VWA3A: variants seen among roughly 807,000 people sequenced by gnomAD.
The protein encoded by VWA3A is von Willebrand factor A domain-containing protein 3A.
A neutral mutation model predicts 160.4 loss-of-function variants in VWA3A; 134 were observed. The ratio of observed to expected loss-of-function variants is 0.84; its 90% CI spans 0.73 to 0.96. The LOEUF is 0.96. Among genes scored for constraint, VWA3A ranks in the 40% least tolerant of loss-of-function variants. The pLI, the probability that VWA3A is intolerant of heterozygous loss-of-function variation, is 0.00. For missense variants in VWA3A, 1,310 were observed against 1,447.9 expected (o/e 0.90, Z 1.55); for synonymous variants, 476 against 543.4 (o/e 0.88, Z 1.72).
rs1555459603 is a variant in VWA3A at position 22,136,895 on chromosome 16, G to GCGCA, written c.2140-1464_2140-1463insGCAC. Reference sequence around the variant, plus strand: ...AAAATACACACACACACACACACACGCACACACACACACACACACACACGC... The same window carrying GCGCA: ...AAAATACACACACACACACACACACGCGCACACACACACACACACACACACACGC... On this transcript the variant is annotated intron_variant, in intron 21 of 33. Transcript: ENST00000389398. Among the ~76,000 whole-genome samples, 927 of 142,670 alleles carry GCGCA rather than the reference G, an allele frequency of 6.5e-3. 25 individuals carry two copies. In the East Asian group the frequency reaches 0.068, roughly 11 times the overall value. 93.6% of individuals were successfully genotyped at this position (142,670 alleles called of 152,430 possible).
chr16:22,122,260 A>AGTGGATGGATGGATGGATGG (rs1388158399), intron 14 of VWA3A, among the ~76,000 whole-genome samples: 9 of 136,574 alleles, frequency 6.6e-5, no homozygotes, highest in Non-Finnish European at 9.5e-5. Flanking sequence ...TGGATGGATG[A>AGTGGATGGATGGATGGATGG]GTGGATGGAT....
chr16:22,130,123 C>T (rs1051774074), intron 17 of VWA3A, among the ~76,000 whole-genome samples: 1 of 152,104 alleles, frequency 6.6e-6, no homozygotes, highest in Non-Finnish European at 1.5e-5. Flanking sequence ...GATTTATTAT[C>T]CAACGATAAT....
chr16:22,131,689 G>A lies in VWA3A; in HGVS notation c.1832G>A (p.Gly611Glu), dbSNP rs1364594840. 6.2e-7 allele frequency: 1 copy of A among 1,613,990 alleles called. No individual in the cohort carries two copies. The highest frequency in any genetic ancestry group is 1.7e-5 in the Admixed American group (1 of 60,022). The change falls in exon 19 of 34, where the codon GGA (glycine) becomes GAA (glutamate). Residue 611 changes from glycine to glutamate, a missense_variant. Transcript: ENST00000389398. ...FKDKDKHQSQ[G>E]IYLFTGGIPD... ...GACAAAGACAAACACCAATCGCAGG[G>A]AATCTACCTCTTCACTGGGGGCATC...
intron 1 of VWA3A, among the ~76,000 whole-genome samples, chr16:22,095,092 A>C (rs1369248921): frequency 6.6e-6 from 1 of 152,174 alleles, no homozygotes; most frequent in Non-Finnish European, 1.5e-5. Flanking sequence ...AAGGGGACAG[A>C]CACACAAATT....
chr16:22,146,699 G>A lies in VWA3A; in HGVS notation c.2839+355G>A, dbSNP rs1263199271. Among the ~76,000 whole-genome samples the A allele has an allele frequency of 5.3e-5, 8 of 152,018 alleles. No homozygotes were observed. In the South Asian group the frequency reaches 6.2e-4, roughly 12 times the overall value. ...CTCAGGAGGCTGAGGCAGGAAAATC[G>A]CAGAGGTTGCAGTGAGCTGAGATCG... On this transcript the variant is annotated intron_variant, in intron 27 of 33. Transcript: ENST00000389398.
intron 6 of VWA3A, among the ~76,000 whole-genome samples, chr16:22,107,529 G>T (rs1207814704): frequency 6.6e-6 from 1 of 152,096 alleles, no homozygotes; most frequent in Non-Finnish European, 1.5e-5. Flanking sequence ...ATCTCTTGAG[G>T]CCAGGAGTTC....
Position 22,134,393 on chromosome 16 carries a change from CTCCA to C in VWA3A, c.2097_2100del (p.Ile700CysfsTer21). The C allele has an allele frequency of 6.3e-7, 1 of 1,599,900 alleles. No individual in the cohort carries two copies. Among genetic ancestry groups the C allele is most frequent in the Non-Finnish European group, 8.5e-7 (1 of 1,172,818 alleles). On this transcript the variant is annotated frameshift_variant, in exon 21 of 34. Coordinates refer to ENST00000389398, the MANE Select transcript of VWA3A (RefSeq NM_173615.5). LOFTEE classifies it high-confidence loss of function. ...GCATTTATGAGAGCGATGACATCAACTCCATCATGTCTGAGATGGAAAAGGCTCT... is the reference window on the plus strand; with the variant it reads ...GCATTTATGAGAGCGATGACATCAACTCATGTCTGAGATGGAAAAGGCTCT...
At position 22,100,500 on chromosome 16, in the gene VWA3A, A is replaced by G. The variant is rs2045392315; in HGVS notation, c.428+7A>G. 4 of 1,550,746 alleles carry G rather than the reference A, an allele frequency of 2.6e-6. No individual in the cohort carries two copies. Among genetic ancestry groups the G allele is most frequent in the African/African-American group, 1.4e-5 (1 of 73,076 alleles). ...TTGAGTCAAAGCTTTCTGAGTAAGT[A>G]TGTTTCTCACTGTCCTCCCAACACC... On this transcript the variant is annotated splice_region_variant and intron_variant, in intron 5 of 33. Transcript: ENST00000389398.
intron 5 of VWA3A, among the ~76,000 whole-genome samples, chr16:22,100,984 A>G (rs1454038156): frequency 6.7e-6 from 1 of 150,276 alleles, no homozygotes; most frequent in East Asian, 1.9e-4. Flanking sequence ...AAAAAAAAAA[A>G]GGAAAAACTA....
chr16:22,141,832 A>C (rs755371837), intron 24 of VWA3A, 140 bp downstream of exon 24: 2 of 644,622 alleles, frequency 3.1e-6, no homozygotes, highest in African/African-American at 1.8e-5. Flanking sequence ...GCCGTACTCA[A>C]CTCAGTTCTC....
At chr16:22,141,484 G>A in intron 23 of VWA3A, 98 bp from the exon 24 acceptor site, 10 of 1,105,860 alleles carry the variant, frequency 9.0e-6, no homozygotes, top group Non-Finnish European at 1.3e-5. Flanking sequence ...TTCCTGGGGT[G>A]GAGTATAGCT....
rs1315996008 is a variant in VWA3A, at chr16:22,110,786, A to G, written c.583-102A>G. 3 of 1,082,712 alleles carry G rather than the reference A, an allele frequency of 2.8e-6. No homozygotes were observed. In the Admixed American group the frequency reaches 8.0e-5, roughly 29 times the overall value. The allele number at this position is 1,082,712 out of a possible 1,614,324, so 67.1% of individuals were successfully genotyped here. On this transcript the variant is annotated intron_variant, in intron 7 of 33. Transcript: ENST00000389398. ...AGCCTCGAGCAGCCCTATTCAGTAC[A>G]GCTCACACCCAGCCCAGAGGGGCCA...
intron 6 of VWA3A, among the ~76,000 whole-genome samples, chr16:22,104,118 A>G (rs993150822): frequency 2.6e-4 from 40 of 152,332 alleles, no homozygotes; most frequent in Non-Finnish European, 5.3e-4. Flanking sequence ...GCAGATGTGC[A>G]CTGGGCATTT....
intron 21 of VWA3A, among the ~76,000 whole-genome samples, chr16:22,137,911 A>G (rs1316029497): frequency 6.6e-6 from 1 of 152,222 alleles, no homozygotes; most frequent in Non-Finnish European, 1.5e-5. Context: ...GCAAACAGCC[A>G]GGATCTGGTG....
chr16:22,111,313 A>T (rs987239286), intron 8 of VWA3A, among the ~76,000 whole-genome samples: 1 of 152,158 alleles, frequency 6.6e-6, no homozygotes, highest in Non-Finnish European at 1.5e-5. Flanking sequence ...AATAATAGCA[A>T]ATGAGTCTCC....
chr16:22,121,491 C>T (rs767637599), intron 13 of VWA3A, 23 bp from the exon 14 acceptor site: 3 of 1,588,530 alleles, frequency 1.9e-6, no homozygotes, highest in Non-Finnish European at 2.6e-6. Flanking sequence ...GGCAGTGCCT[C>T]CAACCTCACA....
intron 21 of VWA3A, among the ~76,000 whole-genome samples, chr16:22,134,996 G>A (rs550153176): frequency 4.6e-5 from 7 of 152,270 alleles, no homozygotes; most frequent in Admixed American, 2.0e-4. Flanking sequence ...TGGGCTGATC[G>A]CTGGAGCCCA....
chr16:22,096,122 C>T (rs2045317419), intron 1 of VWA3A, among the ~76,000 whole-genome samples: 1 of 152,066 alleles, frequency 6.6e-6, no homozygotes, highest in South Asian at 2.1e-4. Context: ...TAGGTAGAGG[C>T]CAGGATGCTG....
chr16:22,103,465 G>A lies in VWA3A; in HGVS notation c.429-10G>A. On this transcript the variant is annotated splice_polypyrimidine_tract_variant and intron_variant, in intron 5 of 33. Coordinates refer to ENST00000389398, the MANE Select transcript of VWA3A (RefSeq NM_173615.5). ...GCCTTGGGTGATGAGTCTTTCTGAT[G>A]TCTTGACAGCACTATTGAAGTCTAT... The A allele has an allele frequency of 6.4e-7, 1 of 1,551,466 alleles. No homozygotes were observed. The highest frequency in any genetic ancestry group is 8.7e-7 in the Non-Finnish European group (1 of 1,146,832).
Sources: gnomAD v4.1 joint callset for allele counts (sites outside exome capture counted in the v4.1 genomes callset) on GRCh38, gnomAD v4.1.1 for gene constraint, MANE v1.5 for transcripts, NCBI Gene and HGNC (gene_info 2026-07-23, HGNC 2026-07-21) for gene names.